ACTR3C: variants seen among roughly 807,000 people sequenced by gnomAD.
The protein encoded by ACTR3C is actin-related protein 3C.
In ACTR3C, 18 loss-of-function variants were observed where a neutral mutation model predicts 26.3. The ratio of observed to expected loss-of-function variants is 0.68; its 90% CI spans 0.47 to 1.01. ACTR3C has a LOEUF of 1.01. Ranked by LOEUF, ACTR3C falls within the 50% of genes least tolerant of loss-of-function variation. The probability of loss-of-function intolerance (pLI) is 0.00; values close to 1 mark genes in which losing one functional copy is unlikely to be tolerated. For synonymous variants in ACTR3C, 55 were observed against 94.5 expected, an observed-to-expected ratio of 0.58 and a Z score of 2.42; for missense variants, 184 against 250.7, an observed-to-expected ratio of 0.73 and a Z score of 1.80.
At chr7:150,262,517 T>C (rs1355807633) in intron 6 of ACTR3C, among the ~76,000 whole-genome samples, 2 of 152,274 alleles carry the variant, frequency 1.3e-5, no homozygotes, top group Non-Finnish European at 2.9e-5. Flanking sequence ...CTTACATTCT[T>C]GCTGCAAGAT....
chr7:150,281,102 G>A (rs931729701), intron 6 of ACTR3C, among the ~76,000 whole-genome samples: 7 of 151,946 alleles, frequency 4.6e-5, no homozygotes, highest in Admixed American at 3.9e-4. Flanking sequence ...AGGTAGCCGA[G>A]GTCAGGAATC....
chr7:149,971,859 C>T, the ACTR3C span, among the ~76,000 whole-genome samples: 16 of 152,220 alleles, frequency 1.1e-4, no homozygotes, highest in Non-Finnish European at 1.3e-4. Context: ...CAATGGGCTG[C>T]GCCCTGACTG....
chr7:150,210,683 A>G, the ACTR3C span, among the ~76,000 whole-genome samples: 140 of 149,498 alleles, frequency 9.4e-4, 3 homozygotes, highest in African/African-American at 3.0e-3. Context: ...AAAGTAATAT[A>G]TAGTAACAGA....
the ACTR3C span, among the ~76,000 whole-genome samples, chr7:150,051,580 T>G: frequency 9.4e-6 from 1 of 105,900 alleles, no homozygotes; most frequent in African/African-American, 3.2e-5. Context: ...TGTGAGAAAA[T>G]ATTTTTGAAA....
downstream of ACTR3C, among the ~76,000 whole-genome samples, chr7:150,243,333 T>C (rs1388156432): frequency 6.6e-6 from 1 of 152,088 alleles, no homozygotes; most frequent in African/African-American, 2.4e-5. Flanking sequence ...AAAAAATATT[T>C]TAAAAGGCAT....
chr7:149,966,574 T>C, the ACTR3C span, among the ~76,000 whole-genome samples: 3 of 152,144 alleles, frequency 2.0e-5, no homozygotes, highest in East Asian at 1.9e-4. Context: ...ATGAGGAAAC[T>C]GGCCTACAGT....
chr7:149,978,777 G>C, the ACTR3C span, among the ~76,000 whole-genome samples: 302 of 148,670 alleles, frequency 2.0e-3, no homozygotes, highest in African/African-American at 5.9e-3. Context: ...CCACACAACA[G>C]CCCTGATGTT....
intron 4 of ACTR3C, among the ~76,000 whole-genome samples, chr7:150,287,431 G>C (rs992624513): frequency 2.0e-5 from 3 of 152,162 alleles, no homozygotes; most frequent in Non-Finnish European, 4.4e-5. Context: ...CAGCCTGAGG[G>C]ATGCGAAGTG....
chr7:150,279,115 C>T (rs1835116909), intron 6 of ACTR3C, among the ~76,000 whole-genome samples: 1 of 152,068 alleles, frequency 6.6e-6, no homozygotes, highest in South Asian at 2.1e-4. Flanking sequence ...CCAGCCTGGG[C>T]AAGAGAGCAA....
At chr7:150,034,595 T>C in the ACTR3C span, among the ~76,000 whole-genome samples, 1 of 151,692 alleles carries the variant, frequency 6.6e-6, no homozygotes, top group Non-Finnish European at 1.5e-5. Context: ...TAAGCTCCGG[T>C]AGATTGCAAA....
chr7:150,057,539 G>A, the ACTR3C span, among the ~76,000 whole-genome samples: 1 of 152,062 alleles, frequency 6.6e-6, no homozygotes, highest in South Asian at 2.1e-4. Context: ...GCCCACCTTG[G>A]CCTCCCAAAG....
chr7:149,973,788 C>T, the ACTR3C span, among the ~76,000 whole-genome samples: 1,560 of 150,702 alleles, frequency 0.01, 24 homozygotes, highest in African/African-American at 0.035. Context: ...CCCTTTGATA[C>T]GATTCTGATT....
At chr7:150,134,388 C>G in the ACTR3C span, among the ~76,000 whole-genome samples, 3 of 152,226 alleles carry the variant, frequency 2.0e-5, no homozygotes, top group Admixed American at 6.5e-5. Flanking sequence ...AGACCCTTCT[C>G]TCTCTTTCAC....
chr7:150,172,245 C>T, the ACTR3C span, among the ~76,000 whole-genome samples: 3 of 150,420 alleles, frequency 2.0e-5, no homozygotes, highest in Non-Finnish European at 4.4e-5. Context: ...AAAGACATAC[C>T]CAAGACTAGG....
the ACTR3C span, among the ~76,000 whole-genome samples, chr7:149,885,475 C>G: frequency 6.6e-6 from 1 of 152,244 alleles, no homozygotes; most frequent in African/African-American, 2.4e-5. Context: ...GGAGCTCCGG[C>G]ACTGCCCCGA....
At chr7:150,175,812 G>GGAAA in the ACTR3C span, among the ~76,000 whole-genome samples, 2 of 38,188 alleles carry the variant, frequency 5.2e-5, no homozygotes, top group African/African-American at 2.8e-4. Context: ...GACTCCATCT[G>GGAAA]AACAAAAAAA....
chr7:150,029,311 G>A, the ACTR3C span, among the ~76,000 whole-genome samples: 22 of 150,168 alleles, frequency 1.5e-4, no homozygotes, highest in Non-Finnish European at 2.5e-4. Flanking sequence ...TGTAATCCCA[G>A]TACTTTGGGA....
the ACTR3C span, among the ~76,000 whole-genome samples, chr7:149,965,598 A>C: frequency 1.3e-5 from 2 of 152,124 alleles, no homozygotes; most frequent in Non-Finnish European, 2.9e-5. Flanking sequence ...GAGATCATCC[A>C]GTTCAGTTTT....
chr7:150,283,454 TA>T (rs1417053170), intron 6 of ACTR3C, among the ~76,000 whole-genome samples: 2 of 150,048 alleles, frequency 1.3e-5, no homozygotes, highest in African/African-American at 2.5e-5. Context: ...ATTTTAATTA[TA>T]AAAAAATCTT....
Sources: gnomAD v4.1 joint callset for allele counts (sites outside exome capture counted in the v4.1 genomes callset) on GRCh38, gnomAD v4.1.1 for gene constraint, MANE v1.5 for transcripts, NCBI Gene and HGNC (gene_info 2026-07-23, HGNC 2026-07-21) for gene names.